Variants in CSMD1 observed in about 807,000 individuals in gnomAD.
The protein encoded by CSMD1 is CUB and Sushi multiple domains 1.
CSMD1 carries 213 observed loss-of-function variants against 417.5 expected under a neutral mutation model. That is an observed-to-expected ratio of 0.51 (90% confidence interval 0.46 to 0.57). CSMD1 has a LOEUF of 0.57. Among genes scored for constraint, CSMD1 ranks in the 20% least tolerant of loss-of-function variants. CSMD1 has a pLI of 0.00. For missense variants in CSMD1, 6,923 were observed against 4,529.7 expected (o/e 1.53, Z -15.17); for synonymous variants, 2,862 against 1,736.8 (o/e 1.65, Z -16.11).
intron 3 of CSMD1, among the ~76,000 whole-genome samples, chr8:4,130,706 G>C (rs573027210): frequency 1.4e-5 from 2 of 140,384 alleles, no homozygotes; most frequent in Non-Finnish European, 3.1e-5. Flanking sequence ...GAGGGGAGTA[G>C]ATAACACATG....
rs554967283 is a variant in CSMD1, at chr8:4,267,377, G to C, written c.415+152576C>G. 1.1e-4 allele frequency among the ~76,000 whole-genome samples: 5 copies of C among 47,380 alleles called. 1 individual carries two copies. In the East Asian group the frequency reaches 2.3e-3, roughly 22 times the overall value. 31.1% of individuals were successfully genotyped at this position (47,380 alleles called of 152,430 possible). ...AATAAGAGTTTAAAAGGGAGTCTTA[G>C]GATTAACTATGAACTCTGAAAGATC... On this transcript the variant is annotated intron_variant, in intron 3 of 69. Coordinates refer to ENST00000635120, the MANE Select transcript of CSMD1 (RefSeq NM_033225.6).
At chr8:3,534,471 C>G (rs76490344) in intron 10 of CSMD1, among the ~76,000 whole-genome samples, 1 of 150,462 alleles carries the variant, frequency 6.6e-6, no homozygotes, top group Non-Finnish European at 1.5e-5. Context: ...TTATGACACC[C>G]TCTCTCATGC....
At chr8:3,578,159 G>C (rs1457430826) in intron 9 of CSMD1, among the ~76,000 whole-genome samples, 3 of 152,166 alleles carry the variant, frequency 2.0e-5, no homozygotes, top group Admixed American at 6.5e-5. Flanking sequence ...AGCACCAGAA[G>C]GGTATAATTT....
chr8:3,592,122 GGATA>G (rs1173945486), intron 8 of CSMD1, among the ~76,000 whole-genome samples: 1 of 152,000 alleles, frequency 6.6e-6, no homozygotes, highest in East Asian at 1.9e-4. Context: ...ATACATAGAT[GGATA>G]GATAGATGAA....
chr8:4,122,531 T>A (rs1470178372), intron 3 of CSMD1, among the ~76,000 whole-genome samples: 1 of 152,258 alleles, frequency 6.6e-6, no homozygotes, highest in African/African-American at 2.4e-5. Context: ...AGCCGCATTT[T>A]AAATACCTGC....
intron 3 of CSMD1, among the ~76,000 whole-genome samples, chr8:4,309,148 A>G (rs969752058): frequency 8.5e-5 from 13 of 152,158 alleles, no homozygotes; most frequent in Non-Finnish European, 1.8e-4. Flanking sequence ...ACACAGGCCA[A>G]TTCAACAACT....
At chr8:3,887,095 G>T (rs1217908254) in intron 5 of CSMD1, among the ~76,000 whole-genome samples, 1 of 152,158 alleles carries the variant, frequency 6.6e-6, no homozygotes, top group Non-Finnish European at 1.5e-5. Flanking sequence ...GCTGAGCTCT[G>T]AAAAGTAGAG....
intron 6 of CSMD1, among the ~76,000 whole-genome samples, chr8:3,747,922 G>C (rs769412318): frequency 2.0e-5 from 3 of 152,058 alleles, no homozygotes; most frequent in East Asian, 1.9e-4. Context: ...CCACTTCCCA[G>C]CCCTAGAAAA....
rs369485682 is a variant in CSMD1, at chr8:3,850,626, C to T, written c.819-96584G>A. ...AGGAGAATAACTTGAACCTGGGGGGCGGAGGTTGAGGTGAGCCAAGATCGC... is the reference window on the plus strand; with the variant it reads ...AGGAGAATAACTTGAACCTGGGGGGTGGAGGTTGAGGTGAGCCAAGATCGC... On this transcript the variant is annotated intron_variant, in intron 5 of 69. Coordinates refer to ENST00000635120, the MANE Select transcript of CSMD1 (RefSeq NM_033225.6). 5.3e-5 allele frequency among the ~76,000 whole-genome samples: 8 copies of T among 151,924 alleles called. No homozygotes were observed. In the South Asian group the frequency reaches 8.3e-4, roughly 16 times the overall value.
At chr8:4,298,531 G>A (rs1231309449) in intron 3 of CSMD1, among the ~76,000 whole-genome samples, 2 of 152,080 alleles carry the variant, frequency 1.3e-5, no homozygotes, top group Non-Finnish European at 2.9e-5. Flanking sequence ...TATATACAAT[G>A]TACACATGTA....
chr8:2,972,679 T>G (rs946881198), intron 57 of CSMD1, among the ~76,000 whole-genome samples: 1 of 152,158 alleles, frequency 6.6e-6, no homozygotes, highest in Non-Finnish European at 1.5e-5. Flanking sequence ...TCCTGTGAAA[T>G]AGAGTGCTCC....
intron 5 of CSMD1, among the ~76,000 whole-genome samples, chr8:3,942,241 C>G (rs1262648519): frequency 6.6e-6 from 1 of 151,984 alleles, no homozygotes; most frequent in African/African-American, 2.4e-5. Flanking sequence ...ACTGTGTAAT[C>G]TTAATAGAAA....
intron 26 of CSMD1, among the ~76,000 whole-genome samples, chr8:3,271,781 G>GT (rs968420938): frequency 2.8e-4 from 43 of 152,036 alleles, no homozygotes; most frequent in African/African-American, 9.6e-4. Context: ...GGGGTTGTTT[G>GT]TTTTTTTCTT....
At chr8:3,957,356 T>C (rs1434621869) in intron 5 of CSMD1, among the ~76,000 whole-genome samples, 2 of 152,182 alleles carry the variant, frequency 1.3e-5, no homozygotes, top group Admixed American at 6.5e-5. Flanking sequence ...TTCTACGTGC[T>C]AGGCACCAAG....
At chr8:3,118,637 T>A (rs1328466652) in intron 41 of CSMD1, 50 bp from the exon 42 acceptor site, 2 of 1,545,094 alleles carry the variant, frequency 1.3e-6, no homozygotes, top group Admixed American at 3.7e-5. Flanking sequence ...GAGGTTAAAT[T>A]ACTTCGGAAT....
At chr8:4,446,774 TGTGTGTGTGTG>T (rs1798833499) in intron 2 of CSMD1, among the ~76,000 whole-genome samples, 1 of 149,030 alleles carries the variant, frequency 6.7e-6, no homozygotes, top group Non-Finnish European at 1.5e-5. Context: ...TGTGTGTGTG[TGTGTGTGTGTG>T]TGTGTGTGTG....
intron 7 of CSMD1, among the ~76,000 whole-genome samples, chr8:3,652,772 G>A (rs535960471): frequency 1.3e-5 from 2 of 152,086 alleles, no homozygotes; most frequent in Non-Finnish European, 2.9e-5. Context: ...GATTTGGCTG[G>A]GAAAACAGCC....
intron 5 of CSMD1, among the ~76,000 whole-genome samples, chr8:3,780,808 C>T (rs1368298302): frequency 6.6e-6 from 1 of 152,078 alleles, no homozygotes; most frequent in Admixed American, 6.5e-5. Flanking sequence ...ATCAGCTGGC[C>T]CTAGTGCTTT....
At chr8:4,861,104 G>C (rs916247586) in intron 1 of CSMD1, among the ~76,000 whole-genome samples, 1 of 152,094 alleles carries the variant, frequency 6.6e-6, no homozygotes, top group African/African-American at 2.4e-5. Context: ...TTAGGGGCCA[G>C]AAATGTTTCT....
Sources: allele counts gnomAD v4.1 joint callset (sites outside exome capture counted in the v4.1 genomes callset), GRCh38; gene constraint gnomAD v4.1.1; transcripts MANE v1.5; gene names NCBI Gene and HGNC (gene_info 2026-07-23, HGNC 2026-07-21).